RBM6: variants seen among roughly 807,000 people sequenced by gnomAD.
RBM6 encodes the protein RNA binding motif protein 6.
In RBM6, 23 loss-of-function variants were observed where a neutral mutation model predicts 140.4. That is an observed-to-expected ratio of 0.16 (90% CI 0.12 to 0.23). The LOEUF is 0.23. Ranked by LOEUF, RBM6 falls within the 10% of genes least tolerant of loss-of-function variation. The pLI is 1.00. For synonymous variants in RBM6, 439 were observed against 475.6 expected (o/e 0.92, Z 1.00); for missense variants, 1,139 against 1,386.7 (o/e 0.82, Z 2.84).
chr3:49,993,947 A>C (rs540516986), intron 5 of RBM6, among the ~76,000 whole-genome samples: 2 of 151,632 alleles, frequency 1.3e-5, no homozygotes, highest in African/African-American at 4.8e-5. Context: ...CATCTCAAAT[A>C]AAAAAAAAGA....
At chr3:50,018,910 T>G (rs557932943) in intron 6 of RBM6, among the ~76,000 whole-genome samples, 18 of 152,268 alleles carry the variant, frequency 1.2e-4, no homozygotes, top group Non-Finnish European at 1.8e-4. Flanking sequence ...TTTAATTTTG[T>G]AAGAAACTGT....
chr3:49,998,494 T>G (rs1451719193), intron 5 of RBM6, among the ~76,000 whole-genome samples: 3 of 152,136 alleles, frequency 2.0e-5, no homozygotes, highest in Non-Finnish European at 4.4e-5. Context: ...CATTGACAAG[T>G]GTATTTTTGT....
chr3:50,068,587 C>G (rs1228796612), intron 17 of RBM6, 103 bp from the exon 18 acceptor site: 1 of 1,020,892 alleles, frequency 9.8e-7, no homozygotes, highest in African/African-American at 1.6e-5. Flanking sequence ...TCTGATCAAT[C>G]AAAAGAGCTA....
intron 5 of RBM6, among the ~76,000 whole-genome samples, chr3:49,998,995 A>G (rs1018230076): frequency 1.3e-5 from 2 of 149,408 alleles, no homozygotes; most frequent in East Asian, 2.0e-4. Context: ...GACTATTAGC[A>G]TAGCCTGGGG....
intron 5 of RBM6, among the ~76,000 whole-genome samples, chr3:49,984,780 A>C (rs751743023): frequency 5.3e-5 from 8 of 152,240 alleles, no homozygotes; most frequent in Non-Finnish European, 1.2e-4. Flanking sequence ...GCAGTTGATA[A>C]AGCCAAGAAG....
Position 50,077,083 on chromosome 3 carries a change from C to T in RBM6, c.3322C>T (p.Arg1108Ter), listed in dbSNP as rs2090486173. The change falls in exon 21 of 21, where the codon CGA (arginine) becomes TGA (stop). Residue 1108 changes from arginine (R) to a stop codon, truncating the protein, a stop_gained. Coordinates refer to ENST00000266022, the MANE Select transcript of RBM6 (RefSeq NM_005777.3). LOFTEE classifies it high-confidence loss of function. ...TSKRQSNETY[R>*]DAVRRVMFAR... ...CAAAAGACAGTCCAACGAGACTTAC[C>T]GAGATGCTGTTCGAAGAGTCATGTT... The T allele has an allele frequency of 1.2e-6, 2 of 1,613,098 alleles. No homozygotes were observed. Among genetic ancestry groups the T allele is most frequent in the Non-Finnish European group, 8.5e-7 (1 of 1,179,802 alleles).
intron 6 of RBM6, among the ~76,000 whole-genome samples, chr3:50,037,416 G>A (rs973962640): frequency 1.8e-4 from 27 of 152,056 alleles, no homozygotes; most frequent in Non-Finnish European, 3.1e-4. Context: ...AAAAAAAGCA[G>A]GGGGGCATAG....
At chr3:50,032,606 C>T (rs1023352383) in intron 6 of RBM6, among the ~76,000 whole-genome samples, 10 of 152,052 alleles carry the variant, frequency 6.6e-5, no homozygotes, top group African/African-American at 2.4e-4. Context: ...TTACAGAACT[C>T]GTTTCTCCAA....
At chr3:49,993,947 A>T (rs540516986) in intron 5 of RBM6, among the ~76,000 whole-genome samples, 1 of 151,750 alleles carries the variant, frequency 6.6e-6, no homozygotes, top group African/African-American at 2.4e-5. Flanking sequence ...CATCTCAAAT[A>T]AAAAAAAAGA....
chr3:49,995,025 G>C (rs556300348), intron 5 of RBM6, among the ~76,000 whole-genome samples: 3 of 152,282 alleles, frequency 2.0e-5, no homozygotes, highest in Non-Finnish European at 4.4e-5. Flanking sequence ...ATGTTTGTCA[G>C]TATCTCGTGA....
intron 1 of RBM6, among the ~76,000 whole-genome samples, chr3:49,944,223 C>G (rs2083397571): frequency 6.6e-6 from 1 of 152,072 alleles, no homozygotes; most frequent in African/African-American, 2.4e-5. Flanking sequence ...CTCTAGGTAT[C>G]TCATGTAAGT....
chr3:50,030,350 A>C (rs970980053), intron 6 of RBM6, among the ~76,000 whole-genome samples: 1 of 151,402 alleles, frequency 6.6e-6, no homozygotes, highest in African/African-American at 2.4e-5. Flanking sequence ...CATGTAGAAG[A>C]GGAAAGCATT....
At chr3:50,022,637 T>C (rs1032880361) in intron 6 of RBM6, among the ~76,000 whole-genome samples, 3 of 152,164 alleles carry the variant, frequency 2.0e-5, no homozygotes, top group African/African-American at 7.2e-5. Context: ...ACAAATGATG[T>C]AGTTTTTCTC....
chr3:50,065,517 A>T (rs1412047837), intron 16 of RBM6: 2 of 459,550 alleles, frequency 4.4e-6, no homozygotes, highest in South Asian at 3.1e-5. Context: ...ATGCGTGGTC[A>T]TTTTTTTATA....
chr3:49,973,412 T>C (rs1484757509), intron 4 of RBM6, among the ~76,000 whole-genome samples: 2 of 152,066 alleles, frequency 1.3e-5, no homozygotes, highest in Non-Finnish European at 2.9e-5. Flanking sequence ...AGGCAGTTCA[T>C]GCTGAGGAAG....
At chr3:50,033,116 G>A (rs575592549) in intron 6 of RBM6, among the ~76,000 whole-genome samples, 1 of 152,192 alleles carries the variant, frequency 6.6e-6, no homozygotes, top group Admixed American at 6.5e-5. Flanking sequence ...GGCCAACATG[G>A]AGAAACCCAG....
intron 2 of RBM6, among the ~76,000 whole-genome samples, chr3:49,963,439 A>G (rs2084372706): frequency 6.6e-6 from 1 of 152,064 alleles, no homozygotes. Flanking sequence ...CAAATATTTT[A>G]TTTCTTTTTG....
chr3:50,057,644 G>GAGA (rs1273246342), intron 8 of RBM6, 84 bp from the exon 9 acceptor site: 1 of 1,228,450 alleles, frequency 8.1e-7, no homozygotes, highest in African/African-American at 1.5e-5. Context: ...GGCAGGTAAG[G>GAGA]AGAAATTACA....
chr3:50,058,276 A>T, intron 9 of RBM6, 126 bp from the exon 10 acceptor site: 1 of 1,142,104 alleles, frequency 8.8e-7, no homozygotes, highest in Non-Finnish European at 1.3e-6. Flanking sequence ...TTTGTTTAGC[A>T]TTTTTTTACA....
Sources: allele counts gnomAD v4.1 joint callset (sites outside exome capture counted in the v4.1 genomes callset), GRCh38; gene constraint gnomAD v4.1.1; transcripts MANE v1.5; gene names NCBI Gene and HGNC (gene_info 2026-07-23, HGNC 2026-07-21).